Variants in HACD2 observed in about 807,000 individuals in gnomAD.
HACD2 encodes the protein 3-hydroxyacyl-CoA dehydratase 2.
In HACD2, 15 loss-of-function variants were observed where a neutral mutation model predicts 31.0. The observed-to-expected ratio is 0.48, with a 90% CI of 0.32 to 0.75. The LOEUF (loss-of-function observed/expected upper bound fraction) is 0.75. Among genes scored for constraint, HACD2 ranks in the 30% least tolerant of loss-of-function variants. The pLI is 0.03. For synonymous variants in HACD2, 115 were observed against 122.2 expected, an observed-to-expected ratio of 0.94 and a Z score of 0.39; for missense variants, 283 against 313.0, an observed-to-expected ratio of 0.90 and a Z score of 0.72.
intron 4 of HACD2, among the ~76,000 whole-genome samples, chr3:123,523,369 AC>A (rs1214379047): frequency 2.0e-5 from 3 of 152,036 alleles, no homozygotes; most frequent in South Asian, 2.1e-4. Context: ...CTCAGTGAAA[AC>A]CTGCATGCTG....
At chr3:123,524,182 T>C (rs529299103) in intron 4 of HACD2, among the ~76,000 whole-genome samples, 5 of 152,156 alleles carry the variant, frequency 3.3e-5, no homozygotes, top group South Asian at 2.1e-4. Context: ...GCACAACACA[T>C]AGGTATCTTA....
chr3:123,578,705 C>T (rs1230896978), intron 2 of HACD2, among the ~76,000 whole-genome samples: 1 of 152,050 alleles, frequency 6.6e-6, no homozygotes, highest in African/African-American at 2.4e-5. Context: ...TTTCGATTTC[C>T]TTTTTAAGTA....
chr3:123,577,234 A>G (rs955725967), intron 2 of HACD2, among the ~76,000 whole-genome samples: 5 of 152,362 alleles, frequency 3.3e-5, no homozygotes, highest in East Asian at 3.9e-4. Context: ...GATAGCCTGT[A>G]TCAATCTCAA....
chr3:123,520,541 C>A (rs2056200567), intron 4 of HACD2, among the ~76,000 whole-genome samples: 1 of 152,216 alleles, frequency 6.6e-6, no homozygotes, highest in Non-Finnish European at 1.5e-5. Flanking sequence ...TGCAGATACA[C>A]AGAACATTTC....
intron 3 of HACD2, among the ~76,000 whole-genome samples, chr3:123,566,510 C>A (rs977655290): frequency 3.3e-5 from 5 of 151,892 alleles, no homozygotes; most frequent in African/African-American, 1.2e-4. Flanking sequence ...TCTCGAACTC[C>A]TGGCCTCAAG....
Position 123,585,023 on chromosome 3 carries a change from G to A in HACD2, c.5C>T (p.Ala2Val), listed in dbSNP as rs1354534107. ...CGCTGCTGCAGTCGCCGCCACTGCC[G>A]CCATGTCAAGTGCCCGAAGCCCGCT... M[A>V]AVAATAAAKG... Residue 2 changes from alanine (A) to valine (V), a missense_variant, in exon 1 of 7, where the codon GCG (alanine) becomes GTG (valine). Physicochemically the swap from Ala to Val is moderately conservative, Grantham distance 64. Around this residue, in one of 3 missense-constraint regions of HACD2, gnomAD observed 158 missense variants for 148.3 expected, o/e 1.07. Coordinates refer to ENST00000383657, the MANE Select transcript of HACD2 (RefSeq NM_198402.5). 8.9e-6 allele frequency: 13 copies of A among 1,460,722 alleles called. No individual in the cohort carries two copies. The highest frequency in any genetic ancestry group is 2.9e-5 in the African/African-American group (2 of 68,398). 90.5% of individuals were successfully genotyped at this position (1,460,722 alleles called of 1,614,324 possible). A position where few individuals can be genotyped will look rare whatever the true frequency, so the allele number is the denominator to read the frequency against.
intron 3 of HACD2, among the ~76,000 whole-genome samples, chr3:123,549,706 C>G (rs576890031): frequency 6.6e-6 from 1 of 152,108 alleles, no homozygotes; most frequent in Non-Finnish European, 1.5e-5. Flanking sequence ...TGTGATCACA[C>G]CACTGCACTC....
chr3:123,521,102 A>G (rs1440702479), intron 4 of HACD2, among the ~76,000 whole-genome samples: 2 of 152,190 alleles, frequency 1.3e-5, no homozygotes, highest in African/African-American at 2.4e-5. Flanking sequence ...ACCACCCGAC[A>G]GTATAGACAC....
rs2055816500 is a variant in HACD2, at chr3:123,495,090, G to A, written c.683-120C>T. The A allele has an allele frequency of 6.1e-6, 4 of 656,818 alleles. No individual in the cohort carries two copies. In the Admixed American group the frequency reaches 1.2e-4, roughly 20 times the overall value. The allele number at this position is 656,818 out of a possible 1,614,324, so 40.7% of individuals were successfully genotyped here. A position where few individuals can be genotyped will look rare whatever the true frequency, so the allele number is the denominator to read the frequency against. Reference sequence around the variant, plus strand: ...ACTAATTTCTCATCCAGCAACCAAGGAAGGTAACAAAGTGGGCTTGGGGAA... The same window carrying A: ...ACTAATTTCTCATCCAGCAACCAAGAAAGGTAACAAAGTGGGCTTGGGGAA... On this transcript the variant is annotated intron_variant, in intron 6 of 6. Transcript: ENST00000383657.
intron 4 of HACD2, chr3:123,502,906 G>A: frequency 2.1e-6 from 1 of 467,270 alleles, no homozygotes; most frequent in Non-Finnish European, 3.9e-6. Context: ...GTCACCAGGA[G>A]TGAGAGCAGC....
At chr3:123,508,590 C>T (rs768007916) in intron 4 of HACD2, among the ~76,000 whole-genome samples, 22 of 152,132 alleles carry the variant, frequency 1.4e-4, no homozygotes, top group African/African-American at 4.3e-4. Context: ...TTTTGGAACC[C>T]GCTGCTTACT....
intron 4 of HACD2, among the ~76,000 whole-genome samples, chr3:123,523,808 C>T (rs1033287838): frequency 6.6e-6 from 1 of 152,204 alleles, no homozygotes; most frequent in Non-Finnish European, 1.5e-5. Context: ...ATGCCTGCTA[C>T]AGACCCTTCC....
At chr3:123,509,062 G>A (rs559403360) in intron 4 of HACD2, among the ~76,000 whole-genome samples, 1 of 152,270 alleles carries the variant, frequency 6.6e-6, no homozygotes, top group Non-Finnish European at 1.5e-5. Flanking sequence ...TTCAAGGTAT[G>A]AATTTTTTGT....
intron 3 of HACD2, among the ~76,000 whole-genome samples, chr3:123,564,080 T>C (rs1028572539): frequency 6.6e-6 from 1 of 152,202 alleles, no homozygotes; most frequent in Non-Finnish European, 1.5e-5. Context: ...GCATACACTA[T>C]CGACAAGGTC....
At chr3:123,538,161 A>T (rs1489666794) in intron 3 of HACD2, among the ~76,000 whole-genome samples, 1 of 152,186 alleles carries the variant, frequency 6.6e-6, no homozygotes, top group Non-Finnish European at 1.5e-5. Context: ...TTCCCAGAAC[A>T]TAGAAAACTG....
intron 3 of HACD2, among the ~76,000 whole-genome samples, chr3:123,556,709 C>A (rs934444817): frequency 6.6e-6 from 1 of 152,016 alleles, no homozygotes; most frequent in African/African-American, 2.4e-5. Context: ...TTGCTGAACA[C>A]CTGTCTGATA....
At chr3:123,500,880 T>C (rs1236620953) in intron 5 of HACD2, among the ~76,000 whole-genome samples, 187 bp from the exon 6 acceptor site, 1 of 152,234 alleles carries the variant, frequency 6.6e-6, no homozygotes, top group East Asian at 1.9e-4. Context: ...CAGGTATATG[T>C]TTCCAAATGT....
chr3:123,522,745 A>G (rs2107701206), intron 4 of HACD2, among the ~76,000 whole-genome samples: 1 of 152,230 alleles, frequency 6.6e-6, no homozygotes, highest in South Asian at 2.1e-4. Context: ...TTTAAAATAG[A>G]AAGTAACCAA....
intron 3 of HACD2, among the ~76,000 whole-genome samples, chr3:123,529,978 C>T (rs1197079151): frequency 3.3e-5 from 5 of 151,964 alleles, no homozygotes; most frequent in African/African-American, 1.2e-4. Context: ...ATGTTTTAAG[C>T]CATTCTTGTA....
Sources: gnomAD v4.1 joint callset for allele counts (sites outside exome capture counted in the v4.1 genomes callset) on GRCh38, gnomAD v4.1.1 for gene constraint, gnomAD v4.1.1 regional missense constraint, MANE v1.5 for transcripts, NCBI Gene and HGNC (gene_info 2026-07-23, HGNC 2026-07-21) for gene names.